The following SCFD1 variants were observed in gnomAD, a reference collection of about 807,000 sequenced individuals.
SCFD1 encodes the protein sec1 family domain-containing protein 1.
In SCFD1, 37 loss-of-function variants were observed where a neutral mutation model predicts 103.2. The ratio of observed to expected loss-of-function variants is 0.36; its 90% confidence interval spans 0.28 to 0.47. SCFD1 has a LOEUF of 0.47. Among genes scored for constraint, SCFD1 ranks in the 20% least tolerant of loss-of-function variants. The probability of loss-of-function intolerance (pLI) is 1.00; values close to 1 mark genes in which losing one functional copy is unlikely to be tolerated. For missense variants in SCFD1, 639 were observed against 761.2 expected (o/e 0.84, Z 1.89); for synonymous variants, 264 against 245.0 (o/e 1.08, Z -0.73).
intron 14 of SCFD1, among the ~76,000 whole-genome samples, chr14:30,693,384 A>G (rs902153929): frequency 6.6e-5 from 10 of 152,138 alleles, no homozygotes; most frequent in Non-Finnish European, 1.5e-4. Flanking sequence ...GCTTCTCAGT[A>G]TATGTCTTTT....
At chr14:30,649,717 T>A (rs1886218417) in intron 8 of SCFD1, 134 bp downstream of exon 8, 1 of 654,102 alleles carries the variant, frequency 1.5e-6, no homozygotes, top group Non-Finnish European at 2.6e-6. Context: ...ATATTTTTAT[T>A]TTATTACATT....
At chr14:30,650,690 A>AT (rs1462560547) in intron 9 of SCFD1, 40 bp downstream of exon 9, 2 of 1,192,104 alleles carry the variant, frequency 1.7e-6, no homozygotes, top group Admixed American at 2.1e-5. Context: ...ACTTTAAAAT[A>AT]TTTGTAGAGT....
At chr14:30,728,243 C>G (rs1190101779) in intron 23 of SCFD1, among the ~76,000 whole-genome samples, 2 of 152,184 alleles carry the variant, frequency 1.3e-5, no homozygotes, top group South Asian at 2.1e-4. Flanking sequence ...AACTCTGTCT[C>G]TCATTACCAC....
chr14:30,673,983 A>G lies in SCFD1; in HGVS notation c.1146A>G (p.Leu382=). 1 of 1,613,136 alleles carries G rather than the reference A, an allele frequency of 6.2e-7. No individual in the cohort carries two copies. The highest frequency in any genetic ancestry group is 8.5e-7 in the Non-Finnish European group (1 of 1,179,212). The change falls in exon 13 of 25, where the codon CTA becomes CTG. Residue 382 remains leucine, a synonymous_variant. Transcript: ENST00000458591. ...TGCTTTCTGACAATACCGCTAAGCT[A>G]ACATCAGCTGTTAGGTAAGTGAGCA... ...ISMLSDNTAK[L]TSAVSSLPEL... is the part of the protein sequence containing the mutation.
intron 19 of SCFD1, among the ~76,000 whole-genome samples, chr14:30,708,737 T>G (rs1035432569): frequency 6.6e-6 from 1 of 151,570 alleles, no homozygotes; most frequent in African/African-American, 2.4e-5. Context: ...CTATGTAAAT[T>G]GGACTAAACA....
At chr14:30,636,188 A>G (rs369043694) in intron 4 of SCFD1, among the ~76,000 whole-genome samples, 3 of 151,460 alleles carry the variant, frequency 2.0e-5, no homozygotes, top group Middle Eastern at 3.2e-3. Context: ...CTCCCAGTCT[A>G]TGGGTTATCT....
chr14:30,702,417 G>A (rs1266919516), intron 17 of SCFD1, 42 bp downstream of exon 17: 2 of 1,227,746 alleles, frequency 1.6e-6, no homozygotes, highest in Non-Finnish European at 1.2e-6. Flanking sequence ...ATTTAAAAGA[G>A]TACAATTGAG....
chr14:30,697,069 G>A lies in SCFD1; in HGVS notation c.1339+2200G>A, dbSNP rs113776370. On this transcript the variant is annotated intron_variant, in intron 15 of 24. Coordinates refer to ENST00000458591, the MANE Select transcript of SCFD1 (RefSeq NM_016106.4). ...AGAAATAAATATAGATTGTATGTTG[G>A]GGGGGGCGGTGTATACTCATGTATT... 2.9e-4 allele frequency among the ~76,000 whole-genome samples: 43 copies of A among 145,782 alleles called. 1 individual carries two copies. Among genetic ancestry groups the A allele is most frequent in the African/African-American group, 9.3e-4 (33 of 35,480 alleles).
At chr14:30,633,862 C>G (rs1884431504) in intron 3 of SCFD1, 85 bp from the exon 4 acceptor site, 2 of 687,554 alleles carry the variant, frequency 2.9e-6, no homozygotes, top group Non-Finnish European at 4.9e-6. Flanking sequence ...GGTTACTGTC[C>G]TTGAGCTAGT....
rs1225550154 is a variant in SCFD1, at chr14:30,684,812, T to TTTTTC, written c.1242+9751_1242+9752insCTTTT. On this transcript the variant is annotated intron_variant, in intron 14 of 24. Coordinates refer to ENST00000458591, the MANE Select transcript of SCFD1 (RefSeq NM_016106.4). Reference sequence around the variant, plus strand: ...TATGTTGCAATTGTTTCTTTTTTTTTTTTTTTTTTTATTATACTCTAAGTT... The same window carrying TTTTTC: ...TATGTTGCAATTGTTTCTTTTTTTTTTTTTCTTTTTTTTTTATTATACTCTAAGTT... Among the ~76,000 whole-genome samples the TTTTTC allele has an allele frequency of 1.8e-4, 26 of 142,360 alleles. 2 individuals are homozygous for TTTTTC. Among genetic ancestry groups the TTTTTC allele is most frequent in the African/African-American group, 6.4e-4 (24 of 37,536 alleles). 93.4% of individuals were successfully genotyped at this position (142,360 alleles called of 152,430 possible). A position where few individuals can be genotyped will look rare whatever the true frequency, so the allele number is the denominator to read the frequency against.
At chr14:30,715,570 A>G (rs74770370) in intron 19 of SCFD1, 1 of 151,084 alleles carries the variant, frequency 6.6e-6, no homozygotes, top group Non-Finnish European at 1.5e-5. Context: ...CTCCATGTCA[A>G]AAAAAAAAAA....
chr14:30,678,388 T>C (rs75618624), intron 14 of SCFD1, among the ~76,000 whole-genome samples: 5,155 of 152,310 alleles, frequency 0.034, 138 homozygotes, highest in East Asian at 0.16. Context: ...ATTTTCACTT[T>C]ATTGATATTC....
At chr14:30,674,910 C>A in intron 13 of SCFD1, 74 bp from the exon 14 acceptor site, 1 of 785,806 alleles carries the variant, frequency 1.3e-6, no homozygotes, top group Non-Finnish European at 2.0e-6. Context: ...ACAGGGGAAA[C>A]ACCAGGCATG....
chr14:30,645,514 C>T (rs1049478144), intron 7 of SCFD1, among the ~76,000 whole-genome samples: 5 of 151,790 alleles, frequency 3.3e-5, no homozygotes, highest in African/African-American at 7.2e-5. Flanking sequence ...CTTTTCGTTT[C>T]GTAATTCTTG....
chr14:30,709,076 G>T (rs965262729), intron 19 of SCFD1, among the ~76,000 whole-genome samples: 1 of 151,808 alleles, frequency 6.6e-6, no homozygotes, highest in Non-Finnish European at 1.5e-5. Context: ...ATATTTTAAG[G>T]CAAAACTGAG....
At chr14:30,648,309 A>G (rs1886051670) in intron 7 of SCFD1, among the ~76,000 whole-genome samples, 1 of 152,244 alleles carries the variant, frequency 6.6e-6, no homozygotes, top group African/African-American at 2.4e-5. Flanking sequence ...TTGACTGAGT[A>G]TATTCATATT....
intron 14 of SCFD1, among the ~76,000 whole-genome samples, chr14:30,684,547 G>A (rs112369869): frequency 0.017 from 2,522 of 152,062 alleles, 91 homozygotes; most frequent in African/African-American, 0.057. Context: ...TTTACCTGAT[G>A]ACTGAAATTT....
intron 23 of SCFD1, among the ~76,000 whole-genome samples, chr14:30,727,464 A>G (rs1230776261): frequency 6.6e-6 from 1 of 152,212 alleles, no homozygotes; most frequent in African/African-American, 2.4e-5. Flanking sequence ...TGTTATTAGC[A>G]TCATCAAGAT....
rs573770554 is a variant in SCFD1 at position 30,703,738 on chromosome 14, T to C, written c.1490+1363T>C. Among the ~76,000 whole-genome samples the C allele has an allele frequency of 5.6e-4, 85 of 150,478 alleles. 2 individuals are homozygous for C. In the South Asian group the frequency reaches 0.018, roughly 31 times the overall value. ...ACTTTTGACTTTTGAAACTTACTTT[T>C]GTCTGTGTTCTTGTAATAAGAAAAA... On this transcript the variant is annotated intron_variant, in intron 17 of 24. Coordinates refer to ENST00000458591, the MANE Select transcript of SCFD1 (RefSeq NM_016106.4).
Sources: gnomAD v4.1 joint callset for allele counts (sites outside exome capture counted in the v4.1 genomes callset) on GRCh38, gnomAD v4.1.1 for gene constraint, MANE v1.5 for transcripts, NCBI Gene and HGNC (gene_info 2026-07-23, HGNC 2026-07-21) for gene names.